Variants in FLT3 observed in about 807,000 individuals in gnomAD.
The protein encoded by FLT3 is fms related receptor tyrosine kinase 3, also known as receptor-type tyrosine-protein kinase FLT3.
Under a neutral mutation model 126.6 loss-of-function variants are expected in FLT3, and 46 were observed. That is an observed-to-expected ratio of 0.36 (90% CI 0.29 to 0.46). The LOEUF (loss-of-function observed/expected upper bound fraction) is 0.46, where lower values mean the gene tolerates loss of function less well. Among genes scored for constraint, FLT3 ranks in the 20% least tolerant of loss-of-function variants. FLT3 has a pLI of 1.00. For missense variants in FLT3, 1,069 were observed against 1,190.3 expected, an observed-to-expected ratio of 0.90 and a Z score of 1.50; for synonymous variants, 404 against 434.4, an observed-to-expected ratio of 0.93 and a Z score of 0.87.
intron 4 of FLT3, among the ~76,000 whole-genome samples, chr13:28,053,502 T>C (rs1295767070): frequency 6.6e-6 from 1 of 151,442 alleles, no homozygotes; most frequent in Non-Finnish European, 1.5e-5. Context: ...AGAATATTAA[T>C]AAATACCTTT....
At chr13:28,066,138 C>A (rs1877014461) in intron 2 of FLT3, among the ~76,000 whole-genome samples, 1 of 152,084 alleles carries the variant, frequency 6.6e-6, no homozygotes, top group Admixed American at 6.6e-5. Flanking sequence ...AGGAACTAAC[C>A]TAAGTAACTT....
At chr13:28,031,823 C>A (rs192551005) in intron 15 of FLT3, among the ~76,000 whole-genome samples, 1 of 152,064 alleles carries the variant, frequency 6.6e-6, no homozygotes, top group Non-Finnish European at 1.5e-5. Flanking sequence ...CCCAGCCATG[C>A]GGGTGGTGGA....
intron 23 of FLT3, among the ~76,000 whole-genome samples, chr13:28,012,533 T>G (rs545432583): frequency 6.6e-6 from 1 of 152,240 alleles, no homozygotes; most frequent in African/African-American, 2.4e-5. Flanking sequence ...TCCTGGAATA[T>G]CCTACTCACC....
rs769422297 is a variant in FLT3 at position 28,052,684 on chromosome 13, C to T, written c.485-10G>A. The T allele has an allele frequency of 8.3e-6, 13 of 1,563,554 alleles. No homozygotes were observed. In the Admixed American group the frequency reaches 2.3e-4, roughly 27 times the overall value. On this transcript the variant is annotated splice_polypyrimidine_tract_variant and intron_variant, in intron 4 of 23. Coordinates refer to ENST00000241453, the MANE Select transcript of FLT3 (RefSeq NM_004119.3). ...GTGTAAAGCAGGGTATCTAAAGCAT[C>T]ATAAGTTATTAACATTTTACTATTT... is the stretch of plus-strand genomic sequence containing the variant.
chr13:28,099,604 T>C lies in FLT3; in HGVS notation c.43+864A>G, dbSNP rs1480523837. Among the ~76,000 whole-genome samples, 5 of 152,228 alleles carry C rather than the reference T, an allele frequency of 3.3e-5. No individual in the cohort carries two copies. In the East Asian group the frequency reaches 9.7e-4, roughly 29 times the overall value. On this transcript the variant is annotated intron_variant, in intron 1 of 23. Transcript: ENST00000241453. ...GGGGAGGTGAGTGTCAGTCCCAAGG[T>C]TGCAGACCTAGGACAGGGACCGGAG...
At position 28,048,355 on chromosome 13, in the gene FLT3, G is replaced by A. The variant is rs1875090899; in HGVS notation, c.1125C>T (p.Ala375=). Residue 375 remains alanine (A), a synonymous_variant, in exon 9 of 24, where the codon GCC becomes GCT. Transcript: ENST00000241453. ...EEFCFSVRFK[A]YPQIRCTWTF... ...TCCACGTACATCTGATTTGTGGGTAGGCTTTAAACCTGACAGAAAAACAAA... is the reference window on the plus strand; with the variant it reads ...TCCACGTACATCTGATTTGTGGGTAAGCTTTAAACCTGACAGAAAAACAAA... The A allele has an allele frequency of 2.5e-6, 4 of 1,613,350 alleles. No homozygotes were observed. Among genetic ancestry groups the A allele is most frequent in the Middle Eastern group, 1.6e-4 (1 of 6,062 alleles).
At chr13:28,028,089 A>AAGAG (rs35884842) in intron 16 of FLT3, 89 bp downstream of exon 16, 8 of 581,144 alleles carry the variant, frequency 1.4e-5, no homozygotes, top group African/African-American at 5.6e-5. Context: ...AAGAATTAAA[A>AAGAG]AGAGAGAGAG....
At position 28,027,091 on chromosome 13, in the gene FLT3, G is replaced by A. The variant is rs772146579; in HGVS notation, c.2204C>T (p.Ser735Phe). Reference sequence around the variant, plus strand: ...AAACCCTGACCCAGCCTCTTACCTGGAATTTGGATGTGATTGGAAAGTGGG... The same window carrying A: ...AAACCCTGACCCAGCCTCTTACCTGAAATTTGGATGTGATTGGAAAGTGGG... ...FYPTFQSHPN[S>F]SMPGSREVQI... Residue 735 changes from serine to phenylalanine, a missense_variant, in exon 17 of 24, where the codon TCC (serine) becomes TTC (phenylalanine). Transcript: ENST00000241453. 10 of 1,613,074 alleles carry A rather than the reference G, an allele frequency of 6.2e-6. No homozygotes were observed. In the South Asian group the frequency reaches 1.1e-4, roughly 18 times the overall value.
chr13:28,094,938 A>AATC (rs1879362178), intron 1 of FLT3, among the ~76,000 whole-genome samples: 1 of 152,226 alleles, frequency 6.6e-6, no homozygotes, highest in African/African-American at 2.4e-5. Context: ...GCAGCCATAG[A>AATC]AAGTATCAAC....
intron 21 of FLT3, 61 bp downstream of exon 21, chr13:28,015,529 A>T: frequency 1.1e-6 from 1 of 890,342 alleles, no homozygotes; most frequent in Non-Finnish European, 1.9e-6. Context: ...GTGGGGCGGC[A>T]CCGAGAGAGC....
chr13:28,024,119 CT>C (rs1234259201), intron 18 of FLT3, among the ~76,000 whole-genome samples: 5 of 143,958 alleles, frequency 3.5e-5, no homozygotes, highest in African/African-American at 1.0e-4. Flanking sequence ...TTACTCCTTC[CT>C]TTTTTTTTCT....
intron 15 of FLT3, among the ~76,000 whole-genome samples, chr13:28,033,669 TAAAC>T (rs750121424): frequency 3.3e-5 from 5 of 151,988 alleles, no homozygotes; most frequent in Non-Finnish European, 5.9e-5. Context: ...AAAATAAAAA[TAAAC>T]AAAGAGAGAA....
chr13:28,015,709 A>G lies in FLT3; in HGVS notation c.2542-8T>C, dbSNP rs1824832661. The G allele has an allele frequency of 6.4e-7, 1 of 1,569,572 alleles. No individual in the cohort carries two copies. Among genetic ancestry groups the G allele is most frequent in the South Asian group, 1.1e-5 (1 of 90,046 alleles). ...TTTTACAGGCAGACGGGCCTGTGGA[A>G]AACCCAGAGGAGATAAGATGGTGAA... is the stretch of plus-strand genomic sequence containing the variant. On this transcript the variant is annotated splice_polypyrimidine_tract_variant and splice_region_variant and intron_variant, in intron 20 of 23. Coordinates refer to ENST00000241453, the MANE Select transcript of FLT3 (RefSeq NM_004119.3).
At position 28,086,220 on chromosome 13, in the gene FLT3, T is replaced by C. The variant is rs73156256; in HGVS notation, c.43+14248A>G. On this transcript the variant is annotated intron_variant, in intron 1 of 23. Coordinates refer to ENST00000241453, the MANE Select transcript of FLT3 (RefSeq NM_004119.3). The stretch of plus-strand genomic sequence containing the variant: ...AGCTTTTAAAAAAATGATTCCACTT[T>C]ATTTCCTTTTGTGGATTATTAGCTA... 7.4e-3 allele frequency among the ~76,000 whole-genome samples: 1,134 copies of C among 152,356 alleles called. 7 individuals are homozygous for C. The highest frequency in any genetic ancestry group is 0.013 in the Non-Finnish European group (861 of 68,032).
At chr13:28,052,472 C>T in intron 5 of FLT3, 73 bp downstream of exon 5, 1 of 1,417,562 alleles carries the variant, frequency 7.1e-7, no homozygotes, top group Non-Finnish European at 9.7e-7. Flanking sequence ...TTACATACAG[C>T]TTGATGTCAA....
chr13:28,023,952 A>G (rs1872603912), intron 18 of FLT3, among the ~76,000 whole-genome samples: 1 of 151,568 alleles, frequency 6.6e-6, no homozygotes, highest in African/African-American at 2.4e-5. Context: ...TTAGTAGAGA[A>G]GGGTTTCACC....
rs1410991200 is a variant in FLT3, at chr13:28,035,502, G to A, written c.1590C>T (p.Asn530=). Residue 530 remains asparagine (N), a synonymous_variant, in exon 12 of 24, where the codon AAC becomes AAT. Transcript: ENST00000241453. The part of the protein sequence containing the change: ...LGTSCETILL[N]SPGPFPFIQD... Reference sequence around the variant, plus strand: ...CAAGAACAACTGTTGTACCTGGAGAGTTTAAAAGGATCGTCTCACAAGATG... The same window carrying A: ...CAAGAACAACTGTTGTACCTGGAGAATTTAAAAGGATCGTCTCACAAGATG... 2 of 1,612,936 alleles carry A rather than the reference G, an allele frequency of 1.2e-6. No homozygotes were observed. The highest frequency in any genetic ancestry group is 1.7e-6 in the Non-Finnish European group (2 of 1,179,624).
chr13:28,032,754 C>A (rs777439722), intron 15 of FLT3, among the ~76,000 whole-genome samples: 1 of 152,046 alleles, frequency 6.6e-6, no homozygotes, highest in Non-Finnish European at 1.5e-5. Flanking sequence ...GGGAGGAAAA[C>A]CAGAATATGG....
intron 1 of FLT3, among the ~76,000 whole-genome samples, chr13:28,097,039 C>G (rs1879497703): frequency 6.6e-6 from 1 of 151,820 alleles, no homozygotes; most frequent in South Asian, 2.1e-4. Flanking sequence ...AGTGAGATCT[C>G]ATCTCTACCA....
Sources: gnomAD v4.1 joint callset for allele counts (sites outside exome capture counted in the v4.1 genomes callset) on GRCh38, gnomAD v4.1.1 for gene constraint, MANE v1.5 for transcripts, NCBI Gene and HGNC (gene_info 2026-07-23, HGNC 2026-07-21) for gene names.